TCF4: variants seen among roughly 807,000 people sequenced by gnomAD.
TCF4 encodes the protein SL3-3 enhancer factor 2.
TCF4 carries 3 observed loss-of-function variants against 82.1 expected under a neutral mutation model. The ratio of observed to expected loss-of-function variants is 0.04; its 90% CI spans 0.02 to 0.09. TCF4 has a LOEUF of 0.09. Ranked by LOEUF, TCF4 falls within the 10% of genes least tolerant of loss-of-function variation. The pLI, the probability that TCF4 is intolerant of heterozygous loss-of-function variation, is 1.00. For missense variants in TCF4, 518 were observed against 852.7 expected, an observed-to-expected ratio of 0.61 and a Z score of 4.89; for synonymous variants, 276 against 309.6, an observed-to-expected ratio of 0.89 and a Z score of 1.14.
intron 8 of TCF4, among the ~76,000 whole-genome samples, chr18:55,295,157 T>C (rs1284139944): frequency 6.6e-6 from 1 of 152,210 alleles, no homozygotes; most frequent in African/African-American, 2.4e-5. Context: ...CTTTCTGTTC[T>C]TCATCCCGTT....
chr18:55,533,168 C>T (rs2097083765), intron 3 of TCF4, among the ~76,000 whole-genome samples: 1 of 151,992 alleles, frequency 6.6e-6, no homozygotes, highest in Non-Finnish European at 1.5e-5. Flanking sequence ...CAAGAAACAC[C>T]CCTGATTAAA....
chr18:55,626,782 A>G (rs1307559896), intron 2 of TCF4, among the ~76,000 whole-genome samples: 1 of 152,230 alleles, frequency 6.6e-6, no homozygotes, highest in Non-Finnish European at 1.5e-5. Flanking sequence ...AAAGGCAAAT[A>G]ATATAATTTT....
intron 5 of TCF4, among the ~76,000 whole-genome samples, chr18:55,443,658 T>C (rs2095479113): frequency 6.6e-6 from 1 of 152,196 alleles, no homozygotes; most frequent in Admixed American, 6.5e-5. Context: ...TTTGGGTTCA[T>C]CACACAACTC....
chr18:55,427,078 AG>A (rs1217207538), intron 5 of TCF4, among the ~76,000 whole-genome samples: 1 of 152,220 alleles, frequency 6.6e-6, no homozygotes, highest in Admixed American at 6.5e-5. Flanking sequence ...TGAGAATATA[AG>A]GGGGAAAAAA....
At chr18:55,292,519 A>C (rs924764422) in intron 8 of TCF4, among the ~76,000 whole-genome samples, 1 of 152,202 alleles carries the variant, frequency 6.6e-6, no homozygotes, top group Non-Finnish European at 1.5e-5. Flanking sequence ...TTGATAAATT[A>C]GCATCTAGTG....
intron 1 of TCF4, among the ~76,000 whole-genome samples, chr18:55,635,376 G>T (rs1603625824): frequency 6.6e-6 from 1 of 152,156 alleles, no homozygotes; most frequent in South Asian, 2.1e-4. Context: ...GGGCATTGTG[G>T]TGCATGCCTG....
intron 5 of TCF4, among the ~76,000 whole-genome samples, chr18:55,459,099 T>A (rs55776938): frequency 0.032 from 4,877 of 152,284 alleles, 100 homozygotes; most frequent in Non-Finnish European, 0.049. Flanking sequence ...TAGCATTTCC[T>A]ATCACAATGC....
intron 14 of TCF4, 44 bp from the exon 15 acceptor site, chr18:55,254,744 G>A: frequency 6.4e-7 from 1 of 1,551,582 alleles, no homozygotes; most frequent in Non-Finnish European, 8.8e-7. Flanking sequence ...AGTTCAAAAG[G>A]GGTGCCTAAA....
chr18:55,585,708 G>C, intron 2 of TCF4: 1 of 1,080,204 alleles, frequency 9.3e-7, no homozygotes, highest in Non-Finnish European at 1.1e-6. Context: ...AAGTTGTTTT[G>C]TTTTATATTG....
In TCF4 at chr18:55,403,792, C is replaced by T. The variant is rs988297734; in HGVS notation, c.305-274G>A. On this transcript the variant is annotated intron_variant, in intron 5 of 19. Transcript: ENST00000354452. ...CCTCCACTTTCTCTAACAAACAAATCGTAACTCCTTATTTTCACTTTCTCT... is the reference window on the plus strand; with the variant it reads ...CCTCCACTTTCTCTAACAAACAAATTGTAACTCCTTATTTTCACTTTCTCT... 12 of 1,514,272 alleles carry T rather than the reference C, an allele frequency of 7.9e-6. 1 individual carries two copies. In the East Asian group the frequency reaches 1.5e-4, roughly 19 times the overall value. 93.8% of individuals were successfully genotyped at this position (1,514,272 alleles called of 1,614,324 possible). A position where few individuals can be genotyped will look rare whatever the true frequency, so the allele number is the denominator to read the frequency against.
intron 8 of TCF4, among the ~76,000 whole-genome samples, chr18:55,311,800 T>G (rs1323971614): frequency 6.6e-6 from 1 of 152,242 alleles, no homozygotes; most frequent in Admixed American, 6.5e-5. Context: ...TGTTCTGAAC[T>G]ACATGCAATA....
intron 12 of TCF4, chr18:55,261,020 C>G (rs1387604680): frequency 6.3e-6 from 1 of 159,634 alleles, no homozygotes; most frequent in Non-Finnish European, 1.4e-5. Flanking sequence ...GAAGCTGAGT[C>G]CCCCAGGTGC....
intron 6 of TCF4, among the ~76,000 whole-genome samples, chr18:55,362,361 G>GGAAGGAAGGAAGGAAGGAAGGAAGGAAA (rs2085472704): frequency 1.2e-5 from 1 of 84,618 alleles, no homozygotes; most frequent in African/African-American, 5.3e-5. Flanking sequence ...AAGGAAGGAA[G>GGAAGGAAGGAAGGAAGGAAGGAAGGAAA]GAAGGAAGGA....
intron 6 of TCF4, among the ~76,000 whole-genome samples, chr18:55,373,618 G>A (rs1444994180): frequency 6.6e-6 from 1 of 151,850 alleles, no homozygotes; most frequent in African/African-American, 2.4e-5. Flanking sequence ...TTCAAGACCA[G>A]GCTGGCCAAA....
intron 3 of TCF4, among the ~76,000 whole-genome samples, chr18:55,521,728 G>C (rs1313696920): frequency 6.6e-6 from 1 of 152,184 alleles, no homozygotes; most frequent in Non-Finnish European, 1.5e-5. Flanking sequence ...ATGCAATTAG[G>C]TTTATAATAA....
At chr18:55,569,211 A>G (rs1377892126) in intron 3 of TCF4, among the ~76,000 whole-genome samples, 1 of 92,218 alleles carries the variant, frequency 1.1e-5, no homozygotes, top group Non-Finnish European at 2.2e-5. Flanking sequence ...CACAGTAAAG[A>G]CAAAAAAAAA....
intron 6 of TCF4, among the ~76,000 whole-genome samples, chr18:55,368,744 G>C (rs1215096501): frequency 3.3e-5 from 5 of 152,194 alleles, no homozygotes; most frequent in African/African-American, 1.2e-4. Context: ...TATTTAAAAA[G>C]AGGGAGACTG....
At chr18:55,272,590 C>T (rs2060612921) in intron 10 of TCF4, among the ~76,000 whole-genome samples, 1 of 152,058 alleles carries the variant, frequency 6.6e-6, no homozygotes, top group Non-Finnish European at 1.5e-5. Flanking sequence ...ATAATTCAAA[C>T]ATTAGAAAAA....
rs543253989 is a variant in TCF4 at position 55,414,096 on chromosome 18, A to C, written c.305-10578T>G. 1.3e-3 allele frequency among the ~76,000 whole-genome samples: 192 copies of C among 152,348 alleles called. 1 individual carries two copies. Among genetic ancestry groups the C allele is most frequent in the Non-Finnish European group, 2.0e-3 (136 of 68,038 alleles). On this transcript the variant is annotated intron_variant, in intron 5 of 19. Coordinates refer to ENST00000354452, the MANE Select transcript of TCF4 (RefSeq NM_001083962.2). Reference sequence around the variant, plus strand: ...AGAGCACCCAATACAACCTCATTGAAGACAAGGTGGTAACAGGAGAGACAT... The same window carrying C: ...AGAGCACCCAATACAACCTCATTGACGACAAGGTGGTAACAGGAGAGACAT...
Sources: gnomAD v4.1 joint callset for allele counts (sites outside exome capture counted in the v4.1 genomes callset) on GRCh38, gnomAD v4.1.1 for gene constraint, MANE v1.5 for transcripts, NCBI Gene and HGNC (gene_info 2026-07-23, HGNC 2026-07-21) for gene names.